Variants in KIAA1549L observed in about 807,000 individuals in gnomAD.
KIAA1549L encodes the protein KIAA1549 like, also known as UPF0606 protein KIAA1549L.
KIAA1549L carries 88 observed loss-of-function variants against 160.7 expected under a neutral mutation model. That is an observed-to-expected ratio of 0.55 (90% confidence interval 0.46 to 0.65). The LOEUF is 0.65. KIAA1549L is among the 30% of genes least tolerant of loss of function. The pLI, the probability that KIAA1549L is intolerant of heterozygous loss-of-function variation, is 0.00. For missense variants in KIAA1549L, 2,258 were observed against 2,437.5 expected (o/e 0.93, Z 1.55); for synonymous variants, 950 against 976.7 (o/e 0.97, Z 0.51).
rs368461150 is a variant in KIAA1549L, at chr11:33,447,351, A to G, written c.238+70462A>G. The stretch of plus-strand genomic sequence containing the variant: ...TATGAGAATGATGCAATGATGGTTT[A>G]GACAGGTTGTGACAGCTGCACTTAC... On this transcript the variant is annotated intron_variant, in intron 1 of 20. Coordinates refer to ENST00000658780, the MANE Select transcript of KIAA1549L (RefSeq NM_012194.3). Among the ~76,000 whole-genome samples, 93 of 152,336 alleles carry G rather than the reference A, an allele frequency of 6.1e-4. 3 individuals are homozygous for G. In the East Asian group the frequency reaches 0.017, roughly 28 times the overall value.
intron 1 of KIAA1549L, among the ~76,000 whole-genome samples, chr11:33,533,270 G>A (rs1445444837): frequency 9.2e-5 from 14 of 152,118 alleles, no homozygotes; most frequent in Non-Finnish European, 2.1e-4. Context: ...AACTAGCAGC[G>A]CGAAGAGCCT....
intron 10 of KIAA1549L, among the ~76,000 whole-genome samples, chr11:33,580,587 A>AAAAAAAAAAAAAAAAAAAAG (rs1554994225): frequency 4.7e-5 from 6 of 127,528 alleles, no homozygotes; most frequent in East Asian, 4.3e-4. Context: ...AAAAAAAAAA[A>AAAAAAAAAAAAAAAAAAAAG]AAAAGAAAAG....
chr11:33,650,046 T>G (rs1851841114), intron 17 of KIAA1549L, among the ~76,000 whole-genome samples: 1 of 152,162 alleles, frequency 6.6e-6, no homozygotes, highest in Non-Finnish European at 1.5e-5. Flanking sequence ...TTTGATGAAG[T>G]GAGGTCCTCA....
chr11:33,502,329 G>A (rs548579164), intron 1 of KIAA1549L, among the ~76,000 whole-genome samples: 1 of 152,284 alleles, frequency 6.6e-6, no homozygotes, highest in African/African-American at 2.4e-5. Context: ...GAGAGAGACC[G>A]AATGCCAGTT....
Position 33,458,784 on chromosome 11 carries a change from G to A in KIAA1549L, c.238+81895G>A, listed in dbSNP as rs540603928. On this transcript the variant is annotated intron_variant, in intron 1 of 20. Transcript: ENST00000658780. ...TGATTGTGCTGAGCAAGTGGCAGAT[G>A]TCATTCTGCTGCTGTGGTCAGGTTG... Among the ~76,000 whole-genome samples, 3 of 152,328 alleles carry A rather than the reference G, an allele frequency of 2.0e-5. No individual in the cohort carries two copies. In the South Asian group the frequency reaches 6.2e-4, roughly 32 times the overall value.
chr11:33,599,748 C>T (rs1850305547), intron 13 of KIAA1549L, among the ~76,000 whole-genome samples: 1 of 152,172 alleles, frequency 6.6e-6, no homozygotes, highest in Non-Finnish European at 1.5e-5. Flanking sequence ...CCATGTGGCC[C>T]TTCCGTGTGT....
At chr11:33,557,350 G>GTT (rs879544088) in intron 6 of KIAA1549L, among the ~76,000 whole-genome samples, 1 of 144,926 alleles carries the variant, frequency 6.9e-6, no homozygotes, top group African/African-American at 2.5e-5. Flanking sequence ...AGATTGAAAA[G>GTT]TTTTTTTTTT....
intron 1 of KIAA1549L, among the ~76,000 whole-genome samples, chr11:33,469,175 T>C (rs1852124233): frequency 6.6e-6 from 1 of 152,144 alleles, no homozygotes; most frequent in Non-Finnish European, 1.5e-5. Context: ...CAAACCCCGT[T>C]ATCTATTAGT....
intron 1 of KIAA1549L, among the ~76,000 whole-genome samples, chr11:33,538,122 G>A (rs1853933740): frequency 6.6e-6 from 1 of 152,236 alleles, no homozygotes; most frequent in South Asian, 2.1e-4. Context: ...CAAGGTGGCA[G>A]GAAGGTAAAG....
At chr11:33,493,744 G>A (rs1261864042) in intron 1 of KIAA1549L, among the ~76,000 whole-genome samples, 1 of 152,180 alleles carries the variant, frequency 6.6e-6, no homozygotes, top group African/African-American at 2.4e-5. Context: ...CCACAGTTCC[G>A]AAGTTGGGTA....
intron 17 of KIAA1549L, among the ~76,000 whole-genome samples, chr11:33,647,572 CCA>C (rs1235513156): frequency 4.6e-5 from 7 of 151,880 alleles, no homozygotes; most frequent in Non-Finnish European, 8.8e-5. Context: ...TCATTCATCA[CCA>C]TAGCATCTAA....
Position 33,574,852 on chromosome 11 carries a change from G to A in KIAA1549L, c.4381G>A (p.Val1461Ile), listed in dbSNP as rs183860143. The A allele has an allele frequency of 9.4e-4, 1,519 of 1,613,666 alleles. 1 individual carries two copies. The highest frequency in any genetic ancestry group is 1.6e-3 in the Admixed American group (96 of 59,984). The change falls in exon 10 of 21, where the codon GTT becomes ATT. Residue 1461 changes from valine (V) to isoleucine (I), a missense_variant. By Grantham distance (29) the Val-to-Ile change is conservative (BLOSUM62 3). Coordinates refer to ENST00000658780, the MANE Select transcript of KIAA1549L (RefSeq NM_012194.3). The part of the protein sequence containing the change: ...SQRMALTLHH[V>I]VLLQADPVVK... ...AAGGATGGCCTTGACCCTTCATCAC[G>A]TTGTCCTTCTGCAAGCTGACCGTAA... is the stretch of plus-strand genomic sequence containing the variant.
chr11:33,600,960 T>A (rs1850344047), intron 13 of KIAA1549L, among the ~76,000 whole-genome samples: 1 of 152,084 alleles, frequency 6.6e-6, no homozygotes, highest in Non-Finnish European at 1.5e-5. Context: ...CTGGTGAAAT[T>A]CTGGCCTGCT....
intron 1 of KIAA1549L, among the ~76,000 whole-genome samples, chr11:33,488,027 T>C (rs1852569187): frequency 6.6e-6 from 1 of 152,230 alleles, no homozygotes; most frequent in East Asian, 1.9e-4. Context: ...ATCCCTCCTA[T>C]TATGGATGTG....
In KIAA1549L at chr11:33,561,683, A is replaced by G; in HGVS notation, c.4026A>G (p.Glu1342=). 1.9e-6 allele frequency: 3 copies of G among 1,607,616 alleles called. No homozygotes were observed. The highest frequency in any genetic ancestry group is 2.6e-6 in the Non-Finnish European group (3 of 1,174,316). The part of the protein sequence containing the change: ...YPPLTIAEPL[E]YPNLDISETT... ...GTTTCTTATTTGTTTTAGCACTGGA[A>G]TATCCCAACCTTGACATATCAGAAA... is the stretch of plus-strand genomic sequence containing the variant. The change falls in exon 8 of 21, where the codon GAA becomes GAG. Residue 1342 remains glutamate, a synonymous_variant. Coordinates refer to ENST00000658780, the MANE Select transcript of KIAA1549L (RefSeq NM_012194.3).
intron 10 of KIAA1549L, 38 bp downstream of exon 10, chr11:33,574,911 C>T: frequency 1.3e-6 from 2 of 1,544,762 alleles, no homozygotes; most frequent in South Asian, 2.3e-5. Context: ...TTTTTAATGC[C>T]ATTAAATGTT....
At chr11:33,502,074 G>A (rs749895006) in intron 1 of KIAA1549L, among the ~76,000 whole-genome samples, 4 of 151,686 alleles carry the variant, frequency 2.6e-5, no homozygotes, top group Non-Finnish European at 4.4e-5. Flanking sequence ...GGGGACTTTC[G>A]AGGGAGTTCA....
intron 16 of KIAA1549L, among the ~76,000 whole-genome samples, chr11:33,641,490 A>G (rs1367389234): frequency 6.7e-6 from 1 of 150,062 alleles, no homozygotes; most frequent in African/African-American, 2.4e-5. Flanking sequence ...GATTATCTCA[A>G]TAAGTATTTT....
At chr11:33,664,216 G>A (rs1006555532) in intron 20 of KIAA1549L, among the ~76,000 whole-genome samples, 3 of 152,188 alleles carry the variant, frequency 2.0e-5, no homozygotes, top group Non-Finnish European at 4.4e-5. Flanking sequence ...TTCCTGGCTT[G>A]GGTCCTCATC....
Sources: gnomAD v4.1 joint callset for allele counts (sites outside exome capture counted in the v4.1 genomes callset) on GRCh38, gnomAD v4.1.1 for gene constraint, MANE v1.5 for transcripts, NCBI Gene and HGNC (gene_info 2026-07-23, HGNC 2026-07-21) for gene names.